GRIN2A: variants seen among roughly 807,000 people sequenced by gnomAD.
GRIN2A encodes glutamate receptor ionotropic, NMDA 2A.
In GRIN2A, 22 loss-of-function variants were observed where a neutral mutation model predicts 113.4. That is an observed-to-expected ratio of 0.19 (90% CI 0.14 to 0.28). GRIN2A has a LOEUF of 0.28. Among genes scored for constraint, GRIN2A ranks in the 10% least tolerant of loss-of-function variants. GRIN2A has a pLI of 1.00. For missense variants in GRIN2A, 1,502 were observed against 1,887.0 expected (o/e 0.80, Z 3.78); for synonymous variants, 827 against 738.4 (o/e 1.12, Z -1.94).
At chr16:10,162,192 C>G (rs560389573) in intron 2 of GRIN2A, among the ~76,000 whole-genome samples, 1 of 152,254 alleles carries the variant, frequency 6.6e-6, no homozygotes, top group Non-Finnish European at 1.5e-5. Context: ...AAGACAGGGA[C>G]TCAGTTCCTC....
intron 2 of GRIN2A, among the ~76,000 whole-genome samples, chr16:10,035,572 G>A (rs1342076983): frequency 6.6e-6 from 1 of 152,078 alleles, no homozygotes; most frequent in Non-Finnish European, 1.5e-5. Context: ...CCTAGGCCAG[G>A]GGCTTTCAAA....
At chr16:9,897,395 T>C (rs1224051746) in intron 3 of GRIN2A, among the ~76,000 whole-genome samples, 1 of 151,954 alleles carries the variant, frequency 6.6e-6, no homozygotes, top group Non-Finnish European at 1.5e-5. Flanking sequence ...AGGTAGACAA[T>C]ATTTCCTATA....
intron 2 of GRIN2A, among the ~76,000 whole-genome samples, chr16:10,114,787 C>T (rs2048696384): frequency 6.6e-6 from 1 of 152,208 alleles, no homozygotes; most frequent in Non-Finnish European, 1.5e-5. Context: ...CAAATAGGAA[C>T]ACTGGCAAAA....
chr16:10,044,042 G>C (rs566802255), intron 2 of GRIN2A, among the ~76,000 whole-genome samples: 99 of 145,294 alleles, frequency 6.8e-4, no homozygotes, highest in Middle Eastern at 3.4e-3. Context: ...GAGAGAGAGA[G>C]AGAGACAGAG....
At chr16:9,920,432 T>G (rs149673283) in intron 3 of GRIN2A, among the ~76,000 whole-genome samples, 1 of 152,328 alleles carries the variant, frequency 6.6e-6, no homozygotes, top group East Asian at 1.9e-4. Flanking sequence ...GAAAGATTTA[T>G]TAAAGTCAAG....
At chr16:10,177,397 C>T (rs746310921) in intron 2 of GRIN2A, among the ~76,000 whole-genome samples, 18 of 152,172 alleles carry the variant, frequency 1.2e-4, no homozygotes, top group Non-Finnish European at 1.8e-4. Context: ...CACCTTGCCT[C>T]ATCTCCCTAC....
chr16:9,927,325 C>T (rs755738038), intron 3 of GRIN2A, among the ~76,000 whole-genome samples: 9 of 152,120 alleles, frequency 5.9e-5, no homozygotes, highest in Non-Finnish European at 1.2e-4. Flanking sequence ...CCAGTCAGTA[C>T]CTGGCATTTT....
At chr16:9,781,967 G>C (rs373407854) in intron 11 of GRIN2A, among the ~76,000 whole-genome samples, 1 of 152,080 alleles carries the variant, frequency 6.6e-6, no homozygotes, top group Non-Finnish European at 1.5e-5. Flanking sequence ...GTAATAATAA[G>C]TGAAAAATCA....
chr16:10,111,919 A>C (rs2142148634), intron 2 of GRIN2A: 1 of 800,630 alleles, frequency 1.2e-6, no homozygotes, highest in Non-Finnish European at 2.2e-6. Flanking sequence ...TGAGGTGATG[A>C]CGCCAAGGAT....
Position 10,180,504 on chromosome 16 carries a change from C to T in GRIN2A, c.-18-75G>A. On this transcript the variant is annotated intron_variant, in intron 1 of 12. Coordinates refer to ENST00000330684, the MANE Select transcript of GRIN2A (RefSeq NM_001134407.3). The surrounding 1 kb of genome is among the most constrained non-coding windows in gnomAD (Gnocchi z 7.0). The stretch of plus-strand genomic sequence containing the variant: ...AAGAAAGGGATTACCAACTTGGCTT[C>T]CTGCTCTAGGAGCCAGGCATGGAAC... The T allele has an allele frequency of 6.5e-7, 1 of 1,537,584 alleles. No homozygotes were observed. Among genetic ancestry groups the T allele is most frequent in the Non-Finnish European group, 8.7e-7 (1 of 1,148,004 alleles).
At chr16:10,131,953 T>G (rs1196468154) in intron 2 of GRIN2A, among the ~76,000 whole-genome samples, 5 of 152,220 alleles carry the variant, frequency 3.3e-5, no homozygotes, top group Non-Finnish European at 5.9e-5. Context: ...CTAAGCATTT[T>G]ACCACCATTA....
rs1055804742 is a variant in GRIN2A at position 9,998,151 on chromosome 16, A to G, written c.415-59600T>C. Among the ~76,000 whole-genome samples the G allele has an allele frequency of 2.6e-5, 4 of 152,166 alleles. No homozygotes were observed. The East Asian group carries it at 5.8e-4, about 22-fold the overall frequency. On this transcript the variant is annotated intron_variant, in intron 2 of 12. Coordinates refer to ENST00000330684, the MANE Select transcript of GRIN2A (RefSeq NM_001134407.3). ...CCTCTCCATACCAGTATGAGGCTCTACTTTATTCTACTAGATGAATCTTTC... is the reference window on the plus strand; with the variant it reads ...CCTCTCCATACCAGTATGAGGCTCTGCTTTATTCTACTAGATGAATCTTTC...
At chr16:10,077,485 G>T (rs2047896414) in intron 2 of GRIN2A, among the ~76,000 whole-genome samples, 1 of 152,096 alleles carries the variant, frequency 6.6e-6, no homozygotes, top group Admixed American at 6.6e-5. Context: ...TACAAGTTTG[G>T]TCCATGCCAC....
At chr16:10,145,166 A>G (rs1238097925) in intron 2 of GRIN2A, among the ~76,000 whole-genome samples, 2 of 152,112 alleles carry the variant, frequency 1.3e-5, no homozygotes, top group African/African-American at 2.4e-5. Flanking sequence ...GGTGGTTGCC[A>G]AGGGTTGGGG....
rs146159466 is a variant in GRIN2A at position 9,809,999 on chromosome 16, T to C, written c.2169-11535A>G. Among the ~76,000 whole-genome samples the C allele has an allele frequency of 4.4e-3, 664 of 151,614 alleles. 4 individuals are homozygous for C. Among genetic ancestry groups the C allele is most frequent in the African/African-American group, 0.015 (636 of 41,318 alleles). On this transcript the variant is annotated intron_variant, in intron 10 of 12. Transcript: ENST00000330684. Reference sequence around the variant, plus strand: ...AGGAGAATCACTTGATCCTAGGAGGTAGAGGTTGCAGTGGGCCGAGATCGC... The same window carrying C: ...AGGAGAATCACTTGATCCTAGGAGGCAGAGGTTGCAGTGGGCCGAGATCGC...
intron 3 of GRIN2A, among the ~76,000 whole-genome samples, chr16:9,925,936 TACTACGTTAAATGACACATTGG>T (rs2044454844): frequency 6.6e-6 from 1 of 152,266 alleles, no homozygotes. Context: ...CCAAATACTT[TACTACGTTAAATGACACATTGG>T]AAATTTTCAA....
chr16:10,127,562 T>C (rs72776048), intron 2 of GRIN2A, among the ~76,000 whole-genome samples: 11,127 of 152,280 alleles, frequency 0.073, 549 homozygotes, highest in Non-Finnish European at 0.11. Context: ...TCTAGCATCA[T>C]GGTATATTTA....
chr16:9,770,574 G>A (rs1420824113), intron 11 of GRIN2A, among the ~76,000 whole-genome samples: 1 of 152,134 alleles, frequency 6.6e-6, no homozygotes, highest in Non-Finnish European at 1.5e-5. Flanking sequence ...TACTTTCTAT[G>A]CAATCTATAT....
chr16:10,040,055 A>T (rs1310664943), intron 2 of GRIN2A, among the ~76,000 whole-genome samples: 1 of 109,416 alleles, frequency 9.1e-6, no homozygotes, highest in Admixed American at 8.9e-5. Flanking sequence ...ACACACCACC[A>T]TAAATACACT....
Sources: gnomAD v4.1 joint callset for allele counts (sites outside exome capture counted in the v4.1 genomes callset) on GRCh38, gnomAD v4.1.1 for gene constraint, Gnocchi (gnomAD v3.1) non-coding constraint, MANE v1.5 for transcripts, NCBI Gene and HGNC (gene_info 2026-07-23, HGNC 2026-07-21) for gene names.